ROCK1: variants seen among roughly 807,000 people sequenced by gnomAD.
ROCK1 encodes rho-associated protein kinase 1.
A neutral mutation model predicts 196.8 loss-of-function variants in ROCK1; 36 were observed. That is an observed-to-expected ratio of 0.18 (90% CI 0.14 to 0.24). The LOEUF is 0.24. Among genes scored for constraint, ROCK1 ranks in the 10% least tolerant of loss-of-function variants. The probability of loss-of-function intolerance (pLI) is 1.00; values close to 1 mark genes in which losing one functional copy is unlikely to be tolerated. For synonymous variants in ROCK1, 443 were observed against 515.9 expected (o/e 0.86, Z 1.91); for missense variants, 920 against 1,562.0 (o/e 0.59, Z 6.93).
intron 21 of ROCK1, among the ~76,000 whole-genome samples, chr18:20,980,403 A>G (rs2035519909): frequency 6.6e-6 from 1 of 152,210 alleles, no homozygotes; most frequent in African/African-American, 2.4e-5. Context: ...CATGTAGATG[A>G]AATTCTAGGA....
At chr18:20,960,286 G>A in intron 27 of ROCK1, 80 bp from the exon 28 acceptor site, 1 of 826,458 alleles carries the variant, frequency 1.2e-6, no homozygotes, top group Admixed American at 1.9e-5. Flanking sequence ...CTGACAGCAT[G>A]CAGCAACAAG....
chr18:21,028,198 A>T (rs543232657), intron 10 of ROCK1, among the ~76,000 whole-genome samples: 1 of 151,178 alleles, frequency 6.6e-6, no homozygotes, highest in East Asian at 2.0e-4. Flanking sequence ...CAGGCAGATC[A>T]TGAGGTCAGG....
intron 16 of ROCK1, among the ~76,000 whole-genome samples, chr18:20,997,732 A>G (rs2143419614): frequency 6.6e-6 from 1 of 152,292 alleles, no homozygotes; most frequent in African/African-American, 2.4e-5. Flanking sequence ...ACCATATGTT[A>G]CTCCACAAAG....
chr18:20,956,831 T>G (rs1446165511), intron 29 of ROCK1, among the ~76,000 whole-genome samples: 1 of 152,024 alleles, frequency 6.6e-6, no homozygotes, highest in Non-Finnish European at 1.5e-5. Context: ...AAACCAATCT[T>G]AAAAACATAA....
At chr18:20,990,510 A>G (rs2035614806) in intron 18 of ROCK1, among the ~76,000 whole-genome samples, 1 of 151,610 alleles carries the variant, frequency 6.6e-6, no homozygotes, top group South Asian at 2.1e-4. Context: ...CCTGTCCAAC[A>G]TAGTGAAACG....
At position 20,984,539 on chromosome 18, in the gene ROCK1, T is replaced by G; in HGVS notation, c.2305-4A>C. ...GTTGCAGGGTTAGATTCTTAACCTA[T>G]GAATGAGAAAAATAATTGGGATCTT... is the stretch of plus-strand genomic sequence containing the variant. On this transcript the variant is annotated splice_region_variant and splice_polypyrimidine_tract_variant and intron_variant, in intron 19 of 32. Transcript: ENST00000399799. The G allele has an allele frequency of 6.3e-7, 1 of 1,581,328 alleles. No homozygotes were observed. The highest frequency in any genetic ancestry group is 2.2e-5 in the East Asian group (1 of 44,642).
chr18:21,033,019 C>A lies in ROCK1; in HGVS notation c.1052-4084G>T, dbSNP rs559273591. Among the ~76,000 whole-genome samples the A allele has an allele frequency of 7.5e-3, 1,148 of 152,092 alleles. 15 individuals carry two copies. Among genetic ancestry groups the A allele is most frequent in the African/African-American group, 0.025 (1,052 of 41,480 alleles). On this transcript the variant is annotated intron_variant, in intron 9 of 32. Transcript: ENST00000399799. ...AACCAGTCTGGGCAACATAGCAAGA[C>A]CCCAGCTCTACAGAAAATTAAAAGA...
intron 1 of ROCK1, among the ~76,000 whole-genome samples, chr18:21,106,537 C>T (rs558467173): frequency 1.3e-5 from 2 of 152,280 alleles, no homozygotes; most frequent in Admixed American, 6.5e-5. Flanking sequence ...ATCCCTTATT[C>T]TGTTTTCAAA....
At chr18:21,039,626 G>T in intron 8 of ROCK1, 63 bp from the exon 9 acceptor site, 1 of 1,130,466 alleles carries the variant, frequency 8.8e-7, no homozygotes, top group Non-Finnish European at 1.3e-6. Flanking sequence ...ACCTGTCCAG[G>T]TTTATTTGTG....
chr18:21,038,888 G>A (rs1318444119), intron 9 of ROCK1, among the ~76,000 whole-genome samples: 1 of 152,160 alleles, frequency 6.6e-6, no homozygotes, highest in Non-Finnish European at 1.5e-5. Context: ...GAATCATCTT[G>A]TAATTTTAAC....
intron 16 of ROCK1, among the ~76,000 whole-genome samples, chr18:21,005,082 T>A (rs1373709495): frequency 6.6e-6 from 1 of 152,220 alleles, no homozygotes; most frequent in Admixed American, 6.5e-5. Flanking sequence ...ATCTGGCAAC[T>A]TCTATGCATA....
intron 27 of ROCK1, among the ~76,000 whole-genome samples, chr18:20,961,227 G>A (rs1188086459): frequency 6.6e-6 from 1 of 152,080 alleles, no homozygotes; most frequent in Admixed American, 6.6e-5. Flanking sequence ...TTCAAAGTAT[G>A]ACACTAAAAT....
Position 20,949,782 on chromosome 18 carries a change from CACAA to C in ROCK1, c.*1598_*1601del, listed in dbSNP as rs1473658112. The C allele has an allele frequency of 1.3e-5, 2 of 152,624 alleles. No individual in the cohort carries two copies. The highest frequency in any genetic ancestry group is 1.9e-4 in the East Asian group (1 of 5,202). 9.5% of individuals were successfully genotyped at this position (152,624 alleles called of 1,614,324 possible). The stretch of plus-strand genomic sequence containing the variant: ...ACACTTTAATCTAACCATGGAATTT[CACAA>C]ACATTTATATACAATCAGAGACTAA... On this transcript the variant is annotated 3_prime_UTR_variant, in exon 33 of 33. Transcript: ENST00000399799.
intron 1 of ROCK1, among the ~76,000 whole-genome samples, chr18:21,097,387 C>A (rs184088986): frequency 6.6e-6 from 1 of 152,276 alleles, no homozygotes; most frequent in Admixed American, 6.5e-5. Flanking sequence ...TTTGCCTATA[C>A]TGGAACCTTC....
intron 1 of ROCK1, among the ~76,000 whole-genome samples, chr18:21,091,134 CCT>C (rs1417635692): frequency 2.0e-5 from 3 of 151,814 alleles, no homozygotes; most frequent in Non-Finnish European, 2.9e-5. Context: ...CTCTGCCACC[CCT>C]GATACAAAGA....
intron 1 of ROCK1, among the ~76,000 whole-genome samples, chr18:21,098,979 T>C (rs2143597435): frequency 6.6e-6 from 1 of 152,350 alleles, no homozygotes; most frequent in Non-Finnish European, 1.5e-5. Context: ...ATATCATTAC[T>C]AGTGGAAATG....
chr18:21,089,500 G>A (rs1394393491), intron 1 of ROCK1, among the ~76,000 whole-genome samples: 1 of 152,176 alleles, frequency 6.6e-6, no homozygotes, highest in Admixed American at 6.5e-5. Flanking sequence ...GCCTTGGTTT[G>A]AAGCGTGAAA....
intron 12 of ROCK1, among the ~76,000 whole-genome samples, chr18:21,017,518 G>C (rs1434088601): frequency 6.6e-6 from 1 of 151,698 alleles, no homozygotes. Context: ...TTACTTACTT[G>C]TTTTTCTTGC....
At chr18:21,062,802 A>G (rs748653681) in intron 2 of ROCK1, among the ~76,000 whole-genome samples, 6 of 152,196 alleles carry the variant, frequency 3.9e-5, no homozygotes, top group Non-Finnish European at 8.8e-5. Flanking sequence ...TGGAAATTTT[A>G]AAGTCAGAGA....
Sources: allele counts gnomAD v4.1 joint callset (sites outside exome capture counted in the v4.1 genomes callset), GRCh38; gene constraint gnomAD v4.1.1; transcripts MANE v1.5; gene names NCBI Gene and HGNC (gene_info 2026-07-23, HGNC 2026-07-21).